GRIK3: variants seen among roughly 807,000 people sequenced by gnomAD.
GRIK3 encodes the protein glutamate receptor ionotropic, kainate 3.
GRIK3 carries 29 observed loss-of-function variants against 102.5 expected under a neutral mutation model. The observed-to-expected ratio is 0.28, with a 90% CI of 0.21 to 0.39. The LOEUF is 0.39. GRIK3 is among the 10% of genes least tolerant of loss of function. GRIK3 has a pLI of 1.00. For synonymous variants in GRIK3, 511 were observed against 504.9 expected, an observed-to-expected ratio of 1.01 and a Z score of -0.16; for missense variants, 908 against 1,252.4, an observed-to-expected ratio of 0.73 and a Z score of 4.15.
At chr1:37,024,089 G>GA (rs11437280) in intron 1 of GRIK3, among the ~76,000 whole-genome samples, 28,350 of 152,196 alleles carry the variant, frequency 0.19, 3,904 homozygotes, top group African/African-American at 0.38. Context: ...TCAACAGACT[G>GA]AATGGCTGCT....
rs1459461716 is a variant in GRIK3, at chr1:36,819,955, G to A, written c.1755-101C>T. 20 of 687,390 alleles carry A rather than the reference G, an allele frequency of 2.9e-5. No homozygotes were observed. Among genetic ancestry groups the A allele is most frequent in the African/African-American group, 3.5e-5 (2 of 56,558 alleles). The allele number at this position is 687,390 out of a possible 1,614,324, so 42.6% of individuals were successfully genotyped here. On this transcript the variant is annotated intron_variant, in intron 11 of 15. Transcript: ENST00000373091. This position sits in a 1 kb window ranked among gnomAD's most constrained non-coding sequence, Gnocchi z 4.1. ...ACACAGCTGTGCCAGCCGCCTCAGC[G>A]TCAATATCCTCATGGTTCTGCTGGG...
At chr1:37,021,885 C>T (rs1296822520) in intron 1 of GRIK3, among the ~76,000 whole-genome samples, 4 of 152,126 alleles carry the variant, frequency 2.6e-5, no homozygotes, top group Admixed American at 1.3e-4. Context: ...CCTCAGTTTC[C>T]CCACTGATAC....
rs996877806 is a variant in GRIK3 at position 36,919,843 on chromosome 1, G to A, written c.116-28747C>T. On this transcript the variant is annotated intron_variant, in intron 1 of 15. Coordinates refer to ENST00000373091, the MANE Select transcript of GRIK3 (RefSeq NM_000831.4). ...TGGCCCCTGGGCCCTACCCGTGGCG[G>A]GTGCATATCCTCATCTTCAGGAGAG... is the stretch of plus-strand genomic sequence containing the variant. 1.3e-5 allele frequency among the ~76,000 whole-genome samples: 2 copies of A among 152,208 alleles called. 1 individual carries two copies. Among genetic ancestry groups the A allele is most frequent in the Non-Finnish European group, 2.9e-5 (2 of 68,030 alleles).
intron 1 of GRIK3, among the ~76,000 whole-genome samples, chr1:36,950,984 T>C (rs1641838321): frequency 6.6e-6 from 1 of 152,226 alleles, no homozygotes; most frequent in East Asian, 1.9e-4. Context: ...CAGGTTTTTC[T>C]AAATGTTAGC....
At chr1:36,867,750 C>A (rs918211311) in intron 5 of GRIK3, among the ~76,000 whole-genome samples, 2 of 152,172 alleles carry the variant, frequency 1.3e-5, no homozygotes, top group Admixed American at 1.3e-4. Context: ...CCTTCACCCA[C>A]CCTGAGTACT....
At position 36,800,456 on chromosome 1, in the gene GRIK3, C is replaced by G. The variant is rs1035025044; in HGVS notation, c.*1395G>C. 3 of 152,336 alleles carry G rather than the reference C, an allele frequency of 2.0e-5. No homozygotes were observed. The highest frequency in any genetic ancestry group is 4.8e-5 in the African/African-American group (2 of 41,470). The allele number at this position is 152,336 out of a possible 1,614,324, so 9.4% of individuals were successfully genotyped here. Reference sequence around the variant, plus strand: ...CAAGCTGGAACTCATAGGTCCACCCCCTGGCTGGTACCCAACCTGCTGCTA... The same window carrying G: ...CAAGCTGGAACTCATAGGTCCACCCGCTGGCTGGTACCCAACCTGCTGCTA... On this transcript the variant is annotated 3_prime_UTR_variant, in exon 16 of 16. Transcript: ENST00000373091.
At chr1:36,935,890 T>C (rs1210369588) in intron 1 of GRIK3, among the ~76,000 whole-genome samples, 6 of 152,222 alleles carry the variant, frequency 3.9e-5, no homozygotes, top group East Asian at 1.9e-4. Context: ...GATGGTGCGC[T>C]TGAAGACTTG....
chr1:36,895,057 G>A (rs1641158289), intron 1 of GRIK3, among the ~76,000 whole-genome samples: 1 of 152,016 alleles, frequency 6.6e-6, no homozygotes, highest in African/African-American at 2.4e-5. Context: ...GGGGAGGTGG[G>A]GGAGAAGCAC....
At chr1:36,907,725 G>C (rs1359681553) in intron 1 of GRIK3, among the ~76,000 whole-genome samples, 1 of 152,114 alleles carries the variant, frequency 6.6e-6, no homozygotes, top group East Asian at 1.9e-4. Context: ...AAGGGTGGGA[G>C]GTGTTCTAAT....
intron 4 of GRIK3, among the ~76,000 whole-genome samples, chr1:36,871,035 A>G (rs1227585403): frequency 1.3e-5 from 2 of 152,126 alleles, no homozygotes; most frequent in African/African-American, 2.4e-5. Flanking sequence ...AAGATGCCCA[A>G]CGCTGGGTGT....
At chr1:36,967,180 A>G (rs1318035493) in intron 1 of GRIK3, among the ~76,000 whole-genome samples, 1 of 152,230 alleles carries the variant, frequency 6.6e-6, no homozygotes, top group African/African-American at 2.4e-5. Context: ...TAGTTTGATC[A>G]GTGCTGTGAT....
At chr1:36,890,068 G>A (rs947283464) in intron 2 of GRIK3, among the ~76,000 whole-genome samples, 1 of 152,114 alleles carries the variant, frequency 6.6e-6, no homozygotes, top group Non-Finnish European at 1.5e-5. Flanking sequence ...AGCAGAGAGA[G>A]GGGTCACGGG....
chr1:36,916,733 C>T (rs924539407), intron 1 of GRIK3, among the ~76,000 whole-genome samples: 6 of 152,160 alleles, frequency 3.9e-5, no homozygotes, highest in Admixed American at 6.5e-5. Flanking sequence ...GTTTGGGAGC[C>T]TCTGCCTAGA....
At chr1:36,830,636 C>T (rs1475260381) in intron 10 of GRIK3, among the ~76,000 whole-genome samples, 2 of 151,686 alleles carry the variant, frequency 1.3e-5, no homozygotes, top group African/African-American at 2.4e-5. Context: ...ATGGTGAAAC[C>T]CCGTCTCTAC....
chr1:37,018,743 G>T (rs536080452), intron 1 of GRIK3, among the ~76,000 whole-genome samples: 1 of 152,168 alleles, frequency 6.6e-6, no homozygotes, highest in South Asian at 2.1e-4. Context: ...AGCCCCAGGG[G>T]GAGATTGATG....
At chr1:36,804,827 G>A (rs990209047) in intron 15 of GRIK3, 160 bp downstream of exon 15, 29 of 924,706 alleles carry the variant, frequency 3.1e-5, no homozygotes, top group Middle Eastern at 5.0e-4. Flanking sequence ...TGCCAGGTCA[G>A]GACAGAGGTA....
At chr1:36,869,634 G>T in intron 5 of GRIK3, 114 bp downstream of exon 5, 2 of 824,754 alleles carry the variant, frequency 2.4e-6, no homozygotes, top group Non-Finnish European at 2.1e-6. Flanking sequence ...CACCCCTACA[G>T]CCTGAGGAAG....
chr1:36,872,358 G>C lies in GRIK3; in HGVS notation c.562C>G (p.Leu188Val). The stretch of plus-strand genomic sequence containing the variant: ...GATGGGGCCATGATGAGCTCCTGCA[G>C]TCGGATGAGCCCTGAGGGGCCATGG... ...VYDDSTGLIR[L>V]QELIMAPSRY... Residue 188 changes from leucine (L) to valine (V), a missense_variant, in exon 4 of 16, where the codon CTG becomes GTG. Leu to Val is a conservative substitution (Grantham distance 32). This residue lies in a region of GRIK3 where 585 missense variants were observed against 824.9 expected (regional missense o/e 0.71). Transcript: ENST00000373091. This position sits in a 1 kb window ranked among gnomAD's most constrained non-coding sequence, Gnocchi z 5.9. The C allele has an allele frequency of 6.2e-7, 1 of 1,600,784 alleles. No individual in the cohort carries two copies. Among genetic ancestry groups the C allele is most frequent in the Non-Finnish European group, 8.5e-7 (1 of 1,171,876 alleles).
In GRIK3 at chr1:37,031,799, G is replaced by A. The variant is rs115423748; in HGVS notation, c.115+2195C>T. ...GAGATTCTCTCTCTCTCGCTCGCTC[G>A]CTCTTTCTGTCCATGTCCACTGTAG... On this transcript the variant is annotated intron_variant, in intron 1 of 15. Transcript: ENST00000373091. Among the ~76,000 whole-genome samples the A allele has an allele frequency of 3.6e-3, 553 of 152,302 alleles. 2 individuals are homozygous for A. Among genetic ancestry groups the A allele is most frequent in the African/African-American group, 0.013 (538 of 41,570 alleles).
Sources: gnomAD v4.1 joint callset for allele counts (sites outside exome capture counted in the v4.1 genomes callset) on GRCh38, gnomAD v4.1.1 for gene constraint, gnomAD v4.1.1 regional missense constraint, Gnocchi (gnomAD v3.1) non-coding constraint, MANE v1.5 for transcripts, NCBI Gene and HGNC (gene_info 2026-07-23, HGNC 2026-07-21) for gene names.